Variants in CACNA1S observed in about 807,000 individuals in gnomAD.
CACNA1S encodes the protein voltage-dependent L-type calcium channel subunit alpha-1S.
Under a neutral mutation model 207.4 loss-of-function variants are expected in CACNA1S, and 126 were observed. The observed-to-expected ratio is 0.61, with a 90% CI of 0.53 to 0.70. The LOEUF is 0.70. CACNA1S is among the 30% of genes least tolerant of loss of function. The probability of loss-of-function intolerance (pLI) is 0.00; values close to 1 mark genes in which losing one functional copy is unlikely to be tolerated. For missense variants in CACNA1S, 2,349 were observed against 2,422.8 expected (o/e 0.97, Z 0.64); for synonymous variants, 960 against 932.7 (o/e 1.03, Z -0.53).
chr1:201,061,267 CTGGTTCT>C lies in CACNA1S; in HGVS notation c.3248_3254del (p.Lys1083SerfsTer9). On this transcript the variant is annotated frameshift_variant and splice_region_variant, in exon 25 of 44. Transcript: ENST00000362061. LOFTEE classifies it high-confidence loss of function. The stretch of plus-strand genomic sequence containing the variant: ...CACCTCTGGCAGGCAGCCCAGGCAC[CTGGTTCT>C]TGTCCAGCTCACAGTTCTTGTACTC... The C allele has an allele frequency of 6.2e-7, 1 of 1,614,124 alleles. No homozygotes were observed. The highest frequency in any genetic ancestry group is 8.5e-7 in the Non-Finnish European group (1 of 1,179,964).
At chr1:201,102,170 G>C (rs752917083) in intron 2 of CACNA1S, among the ~76,000 whole-genome samples, 4 of 152,198 alleles carry the variant, frequency 2.6e-5, no homozygotes, top group African/African-American at 4.8e-5. Flanking sequence ...AGACAAGAAA[G>C]GGGGAGGAGG....
In CACNA1S at chr1:201,053,714, G is replaced by A. The variant is rs535501675; in HGVS notation, c.3667-127C>T. 7 of 960,088 alleles carry A rather than the reference G, an allele frequency of 7.3e-6. No homozygotes were observed. Among genetic ancestry groups the A allele is most frequent in the East Asian group, 2.6e-5 (1 of 37,968 alleles). 59.5% of individuals were successfully genotyped at this position (960,088 alleles called of 1,614,324 possible). On this transcript the variant is annotated intron_variant, in intron 29 of 43. Transcript: ENST00000362061. This position sits in a 1 kb window ranked among gnomAD's most constrained non-coding sequence, Gnocchi z 5.1. The stretch of plus-strand genomic sequence containing the variant: ...TGTGGCATGGAGGAACTCCAGCCCC[G>A]CCTCTGGCCCCTGCTGTCCACTAGT...
At chr1:201,047,804 G>C (rs1193447234) in intron 36 of CACNA1S, among the ~76,000 whole-genome samples, 178 bp from the exon 37 acceptor site, 2 of 152,182 alleles carry the variant, frequency 1.3e-5, no homozygotes, top group Non-Finnish European at 2.9e-5. Flanking sequence ...TGTCCCCCTG[G>C]GGCAGCCCAA....
intron 22 of CACNA1S, among the ~76,000 whole-genome samples, chr1:201,064,975 G>A (rs115400291): frequency 1.3e-5 from 2 of 152,330 alleles, no homozygotes; most frequent in African/African-American, 2.4e-5. Context: ...GGGATAGGGC[G>A]TATGCTTGGC....
rs1404256058 is a variant in CACNA1S, at chr1:201,112,408, T to C, written c.-69A>G. The stretch of plus-strand genomic sequence containing the variant: ...TGCTTTCCCTTCCCTGTGTCCCCAA[T>C]GCCCCCGCCTTGGGGACTAGGCTGG... On this transcript the variant is annotated 5_prime_UTR_variant, in exon 1 of 44. Transcript: ENST00000362061. 12 of 1,608,178 alleles carry C rather than the reference T, an allele frequency of 7.5e-6. No homozygotes were observed. Among genetic ancestry groups the C allele is most frequent in the Non-Finnish European group, 1.0e-5 (12 of 1,178,730 alleles).
At position 201,078,935 on chromosome 1, in the gene CACNA1S, A is replaced by T. The variant is rs746659524; in HGVS notation, c.1394-831T>A. Among the ~76,000 whole-genome samples, 38 of 152,156 alleles carry T rather than the reference A, an allele frequency of 2.5e-4. 1 individual carries two copies. Among genetic ancestry groups the T allele is most frequent in the Non-Finnish European group, 2.2e-4 (15 of 67,992 alleles). Reference sequence around the variant, plus strand: ...CAAGAGATCGAGACCAGCCTGACCAACATGGTAAAACCCCCTCTCTACTAA... The same window carrying T: ...CAAGAGATCGAGACCAGCCTGACCATCATGGTAAAACCCCCTCTCTACTAA... On this transcript the variant is annotated intron_variant, in intron 10 of 43. Coordinates refer to ENST00000362061, the MANE Select transcript of CACNA1S (RefSeq NM_000069.3).
rs12059309 is a variant in CACNA1S, at chr1:201,052,899, A to T, written c.3862-251T>A. ...TTCCCAGCAGCAAGCAGACCCGGTAAGTCAATGTGTGGGGGAAGTGCTCTC... is the reference window on the plus strand; with the variant it reads ...TTCCCAGCAGCAAGCAGACCCGGTATGTCAATGTGTGGGGGAAGTGCTCTC... On this transcript the variant is annotated intron_variant, in intron 31 of 43. Coordinates refer to ENST00000362061, the MANE Select transcript of CACNA1S (RefSeq NM_000069.3). Among the ~76,000 whole-genome samples the T allele has an allele frequency of 0.01, 1,577 of 152,138 alleles. 34 individuals are homozygous for T. The highest frequency in any genetic ancestry group is 0.035 in the African/African-American group (1,472 of 41,494).
At chr1:201,059,475 G>A (rs1434496601) in intron 26 of CACNA1S, among the ~76,000 whole-genome samples, 176 bp from the exon 27 acceptor site, 2 of 152,100 alleles carry the variant, frequency 1.3e-5, no homozygotes, top group Admixed American at 1.3e-4. Flanking sequence ...CCTGAGTTCC[G>A]CCAAATTTTA....
intron 2 of CACNA1S, among the ~76,000 whole-genome samples, chr1:201,099,682 C>T (rs1034871021): frequency 1.3e-5 from 2 of 152,136 alleles, no homozygotes; most frequent in African/African-American, 4.8e-5. Context: ...TCCCCTCCCT[C>T]TTAGGAACCT....
chr1:201,109,410 T>A (rs915995935), intron 2 of CACNA1S, among the ~76,000 whole-genome samples: 4 of 152,198 alleles, frequency 2.6e-5, no homozygotes, highest in African/African-American at 7.2e-5. Flanking sequence ...ACAGGAGTAG[T>A]TATAGGGATT....
At chr1:201,060,607 A>G (rs373310869) in intron 26 of CACNA1S, 51 bp downstream of exon 26, 1 of 1,607,438 alleles carries the variant, frequency 6.2e-7, no homozygotes, top group African/African-American at 1.3e-5. Flanking sequence ...TGCCCTACCC[A>G]AGGCCCAGGT....
chr1:201,042,646 A>G (rs1018129686), intron 40 of CACNA1S, among the ~76,000 whole-genome samples: 2 of 152,228 alleles, frequency 1.3e-5, no homozygotes, highest in African/African-American at 4.8e-5. Flanking sequence ...AGCCCTGGCC[A>G]TGAAAAGGGG....
intron 15 of CACNA1S, 95 bp downstream of exon 15, chr1:201,073,454 C>T (rs1278493318): frequency 9.6e-7 from 1 of 1,039,092 alleles, no homozygotes; most frequent in Non-Finnish European, 1.5e-6. Context: ...CTCCTACCTC[C>T]CCACCCTACC....
At chr1:201,093,786 G>T in intron 3 of CACNA1S, 96 bp downstream of exon 3, 2 of 1,463,202 alleles carry the variant, frequency 1.4e-6, no homozygotes, top group Middle Eastern at 2.4e-4. Flanking sequence ...CAATGCTGGA[G>T]TCCCACCCCA....
At chr1:201,101,906 A>G (rs1390603167) in intron 2 of CACNA1S, among the ~76,000 whole-genome samples, 1 of 151,880 alleles carries the variant, frequency 6.6e-6, no homozygotes, top group Non-Finnish European at 1.5e-5. Context: ...AAAAAGTACA[A>G]GAAGAAAAGA....
chr1:201,041,476 G>T (rs763499520), intron 41 of CACNA1S, 28 bp downstream of exon 41: 2 of 1,572,128 alleles, frequency 1.3e-6, no homozygotes, highest in South Asian at 2.2e-5. Context: ...GAAGACTCAA[G>T]CTTCTTAGAT....
chr1:201,093,528 G>A (rs1662314156), intron 3 of CACNA1S, among the ~76,000 whole-genome samples: 2 of 152,216 alleles, frequency 1.3e-5, no homozygotes, highest in African/African-American at 2.4e-5. Context: ...CAGGTCTGTG[G>A]AATAAACTAA....
At chr1:201,046,874 C>T (rs1014748202) in intron 38 of CACNA1S, among the ~76,000 whole-genome samples, 1 of 152,216 alleles carries the variant, frequency 6.6e-6, no homozygotes, top group Non-Finnish European at 1.5e-5. Context: ...CTCCCTTGAA[C>T]AAATCCTATT....
In CACNA1S at chr1:201,107,233, C is replaced by A. The variant is rs1033899761; in HGVS notation, c.258+2931G>T. ...ATTCAACCCCAAATGTGGGGCCCTT[C>A]TGAGTGGGAGTCCTCTGGGACTGCA... is the stretch of plus-strand genomic sequence containing the variant. On this transcript the variant is annotated intron_variant, in intron 2 of 43. Coordinates refer to ENST00000362061, the MANE Select transcript of CACNA1S (RefSeq NM_000069.3). Among the ~76,000 whole-genome samples the A allele has an allele frequency of 2.6e-5, 4 of 152,250 alleles. No homozygotes were observed. The South Asian group carries it at 8.3e-4, about 31-fold the overall frequency.
Sources: gnomAD v4.1 joint callset for allele counts (sites outside exome capture counted in the v4.1 genomes callset) on GRCh38, gnomAD v4.1.1 for gene constraint, Gnocchi (gnomAD v3.1) non-coding constraint, MANE v1.5 for transcripts, NCBI Gene and HGNC (gene_info 2026-07-23, HGNC 2026-07-21) for gene names.